The following CLN6 variants were observed in gnomAD, a reference collection of about 807,000 sequenced individuals.
The protein encoded by CLN6 is ceroid-lipofuscinosis neuronal protein 6.
Under a neutral mutation model 33.3 loss-of-function variants are expected in CLN6, and 22 were observed. The observed-to-expected ratio is 0.66, with a 90% CI of 0.47 to 0.94. The LOEUF is 0.94. Among genes scored for constraint, CLN6 ranks in the 40% least tolerant of loss-of-function variants. CLN6 has a pLI of 0.00. For missense variants in CLN6, 387 were observed against 417.1 expected, an observed-to-expected ratio of 0.93 and a Z score of 0.63; for synonymous variants, 201 against 174.6, an observed-to-expected ratio of 1.15 and a Z score of -1.19.
intron 1 of CLN6, among the ~76,000 whole-genome samples, chr15:68,250,404 A>C (rs4293323): frequency 1 from 151,976 of 151,996 alleles, 75,978 homozygotes; most frequent in Middle Eastern, 1. Flanking sequence ...AGGCGGATCA[A>C]GAGGTCAAGA....
Position 68,207,998 on chromosome 15 carries a change from A to G in CLN6, c.*142T>C. 1 of 807,356 alleles carries G rather than the reference A, an allele frequency of 1.2e-6. No homozygotes were observed. The highest frequency in any genetic ancestry group is 2.0e-6 in the Non-Finnish European group (1 of 494,630). 50.0% of individuals were successfully genotyped at this position (807,356 alleles called of 1,614,324 possible). A position where few individuals can be genotyped will look rare whatever the true frequency, so the allele number is the denominator to read the frequency against. On this transcript the variant is annotated 3_prime_UTR_variant, in exon 7 of 7. Transcript: ENST00000249806. ...ATACAAGACACACACACACACACACACGAATCCACGCACACGAGGCACACC... is the reference window on the plus strand; with the variant it reads ...ATACAAGACACACACACACACACACGCGAATCCACGCACACGAGGCACACC...
chr15:68,248,028 C>CAAAAAAAA (rs34262273), intron 1 of CLN6, among the ~76,000 whole-genome samples: 1 of 118,198 alleles, frequency 8.5e-6, no homozygotes, highest in Non-Finnish European at 1.7e-5. Flanking sequence ...AACTCAGTCT[C>CAAAAAAAA]AAAAAAAAAA....
intron 3 of CLN6, chr15:68,212,791 G>A (rs887287435): frequency 2.6e-5 from 4 of 152,196 alleles, no homozygotes; most frequent in African/African-American, 9.7e-5. Flanking sequence ...GATTACAGGT[G>A]TGAGCCACCA....
chr15:68,232,349 G>GGGTTTCACCATGTT (rs1223211731), upstream of CLN6, among the ~76,000 whole-genome samples: 1 of 152,066 alleles, frequency 6.6e-6, no homozygotes, highest in Non-Finnish European at 1.5e-5. This position sits in a 1 kb window ranked among gnomAD's most constrained non-coding sequence, Gnocchi z 4.7. Flanking sequence ...AGTAGAGACG[G>GGGTTTCACCATGTT]GGTTTCACCA....
Position 68,256,382 on chromosome 15 carries a change from T to G in CLN6, c.179+308A>C, listed in dbSNP as rs995668461. 6.6e-6 allele frequency among the ~76,000 whole-genome samples: 1 copy of G among 152,224 alleles called. No homozygotes were observed. Among genetic ancestry groups the G allele is most frequent in the African/African-American group, 2.4e-5 (1 of 41,450 alleles). On this transcript the variant is annotated intron_variant, in intron 1 of 6. Coordinates refer to the CLN6 transcript ENST00000538696. This position sits in a 1 kb window ranked among gnomAD's most constrained non-coding sequence, Gnocchi z 4.1. ...CCTCTGCCTCCCAAAGTGCTAGGAT[T>G]ACAGGTGTGAGCCACCATGCCCGGC... is the stretch of plus-strand genomic sequence containing the variant.
chr15:68,213,002 C>G (rs2093210481), intron 3 of CLN6: 1 of 152,270 alleles, frequency 6.6e-6, no homozygotes, highest in South Asian at 2.1e-4. Flanking sequence ...TCACTGCAAC[C>G]TCTACCTCCT....
At chr15:68,237,429 A>G (rs1157654993) in intron 1 of CLN6, among the ~76,000 whole-genome samples, 1 of 152,208 alleles carries the variant, frequency 6.6e-6, no homozygotes, top group Non-Finnish European at 1.5e-5. Flanking sequence ...TCGGGGCTGC[A>G]GTGAGCCATG....
intron 1 of CLN6, among the ~76,000 whole-genome samples, chr15:68,226,477 CTTTTT>C (rs1346461233): frequency 6.6e-6 from 1 of 150,718 alleles, no homozygotes; most frequent in Admixed American, 6.6e-5. Context: ...CCTTTTTTTT[CTTTTT>C]TGAGACGGAG....
In CLN6 at chr15:68,241,775, C is replaced by T. The variant is rs1892282003; in HGVS notation, c.179+14915G>A. Among the ~76,000 whole-genome samples the T allele has an allele frequency of 6.6e-6, 1 of 152,162 alleles. No homozygotes were observed. Among genetic ancestry groups the T allele is most frequent in the Non-Finnish European group, 1.5e-5 (1 of 68,028 alleles). ...TCCCCAGCCAGCCTATCCATACTGC[C>T]AGGATATCTGCTCTGGGACCTCCCC... On this transcript the variant is annotated intron_variant, in intron 1 of 6. Transcript: ENST00000538696. The surrounding 1 kb of genome is among the most constrained non-coding windows in gnomAD (Gnocchi z 4.2).
At position 68,220,653 on chromosome 15, in the gene CLN6, G is replaced by C. The variant is rs1049867766; in HGVS notation, c.84-2003C>G. Among the ~76,000 whole-genome samples, 2 of 152,254 alleles carry C rather than the reference G, an allele frequency of 1.3e-5. No homozygotes were observed. Among genetic ancestry groups the C allele is most frequent in the Non-Finnish European group, 2.9e-5 (2 of 68,050 alleles). On this transcript the variant is annotated intron_variant, in intron 1 of 6. Transcript: ENST00000249806. The surrounding 1 kb of genome is among the most constrained non-coding windows in gnomAD (Gnocchi z 4.2). ...GAAAGGGGGAGAAAAAGTGCTGACA[G>C]TGTTCATGTTGCCAGTTCATGATCT...
Position 68,242,318 on chromosome 15 carries a change from G to C in CLN6, c.179+14372C>G, listed in dbSNP as rs1026147252. On this transcript the variant is annotated intron_variant, in intron 1 of 6. Transcript: ENST00000538696. This position sits in a 1 kb window ranked among gnomAD's most constrained non-coding sequence, Gnocchi z 5.0. The stretch of plus-strand genomic sequence containing the variant: ...CATTAGAGACTCTCAACAGCAGAAT[G>C]GATCAAGCAGAGGAAAGAATCCATA... Among the ~76,000 whole-genome samples the C allele has an allele frequency of 1.3e-5, 2 of 152,150 alleles. No individual in the cohort carries two copies. The highest frequency in any genetic ancestry group is 6.5e-5 in the Admixed American group (1 of 15,290).
rs2141156267 is a variant in CLN6 at position 68,229,558 on chromosome 15, G to A, written c.27C>T (p.His9=). The part of the protein sequence containing the change: MEATRRRQ[H]LGATGGPGAQ... The stretch of plus-strand genomic sequence containing the variant: ...CGCCTGGGCCGCCCGTCGCTCCCAG[G>A]TGCTGCCGCCTCCGCGTCGCCTCCA... The change falls in exon 1 of 7, where the codon CAC becomes CAT. Residue 9 remains histidine (H), a synonymous_variant. Coordinates refer to ENST00000249806, the MANE Select transcript of CLN6 (RefSeq NM_017882.3). 6.8e-7 allele frequency: 1 copy of A among 1,470,172 alleles called. No individual in the cohort carries two copies. Among genetic ancestry groups the A allele is most frequent in the Non-Finnish European group, 9.0e-7 (1 of 1,115,786 alleles). 91.1% of individuals were successfully genotyped at this position (1,470,172 alleles called of 1,614,324 possible). A position where few individuals can be genotyped will look rare whatever the true frequency, so the allele number is the denominator to read the frequency against.
chr15:68,234,237 C>T (rs1438106226), upstream of CLN6, among the ~76,000 whole-genome samples: 3 of 152,172 alleles, frequency 2.0e-5, no homozygotes, highest in African/African-American at 7.2e-5. The surrounding 1 kb of genome is among the most constrained non-coding windows in gnomAD (Gnocchi z 4.1). Flanking sequence ...AATACAGCAG[C>T]CGACGGCCTC....
At chr15:68,255,545 G>C (rs754767255) in intron 1 of CLN6, among the ~76,000 whole-genome samples, 1 of 152,198 alleles carries the variant, frequency 6.6e-6, no homozygotes, top group Non-Finnish European at 1.5e-5. Context: ...CAGAGCATCA[G>C]ATGAGGACTT....
At position 68,211,814 on chromosome 15, in the gene CLN6, C is replaced by G. The variant is rs1255797474; in HGVS notation, c.347G>C (p.Ser116Thr). The G allele has an allele frequency of 6.2e-7, 1 of 1,613,950 alleles. No homozygotes were observed. The highest frequency in any genetic ancestry group is 1.1e-5 in the South Asian group (1 of 91,086). The change falls in exon 4 of 7, where the codon AGC becomes ACC. Residue 116 changes from serine (S) to threonine (T), a missense_variant. Physicochemically the swap from Ser to Thr is moderately conservative, Grantham distance 58. Transcript: ENST00000249806. The surrounding 1 kb of genome is among the most constrained non-coding windows in gnomAD (Gnocchi z 5.9). The stretch of plus-strand genomic sequence containing the variant: ...GGCACCCATGATGAAGATGATGATG[C>G]TCACGTACGTGATGGAGCGTGGCAG... ...RTLPRSITYVSIIIFIMGASI... is the reference protein window; with the variant it reads ...RTLPRSITYVTIIIFIMGASI...
intron 1 of CLN6, 141 bp from the exon 2 acceptor site, chr15:68,218,791 C>T (rs1238277984): frequency 3.0e-6 from 2 of 659,156 alleles, no homozygotes; most frequent in Non-Finnish European, 5.5e-6. Context: ...TAGGGTTTTG[C>T]TGGATATACT....
chr15:68,218,172 T>G (rs1423519146), intron 2 of CLN6: 1 of 266,796 alleles, frequency 3.7e-6, no homozygotes, highest in Non-Finnish European at 7.5e-6. Flanking sequence ...GAGACGGAGG[T>G]GGGGGTGCGG....
chr15:68,211,467 T>C lies in CLN6; in HGVS notation c.487-149A>G. On this transcript the variant is annotated intron_variant, in intron 4 of 6. Transcript: ENST00000249806. The surrounding 1 kb of genome is among the most constrained non-coding windows in gnomAD (Gnocchi z 5.9). ...TCCCTACCCGGGGCCTCGCCTTCTG[T>C]TACAGGGGCCCAGGTGGGAGGCAGT... 2 of 1,538,902 alleles carry C rather than the reference T, an allele frequency of 1.3e-6. No individual in the cohort carries two copies. The highest frequency in any genetic ancestry group is 2.7e-5 in the African/African-American group (2 of 73,428).
chr15:68,255,315 C>CAT (rs2141168542), intron 1 of CLN6, among the ~76,000 whole-genome samples: 2 of 150,004 alleles, frequency 1.3e-5, no homozygotes, highest in Non-Finnish European at 3.0e-5. Context: ...TGACCCCCCC[C>CAT]AATAATTGGT....
Sources: gnomAD v4.1 joint callset for allele counts (sites outside exome capture counted in the v4.1 genomes callset) on GRCh38, gnomAD v4.1.1 for gene constraint, Gnocchi (gnomAD v3.1) non-coding constraint, MANE v1.5 for transcripts, NCBI Gene and HGNC (gene_info 2026-07-23, HGNC 2026-07-21) for gene names.